KLHL38: variants seen among roughly 807,000 people sequenced by gnomAD.
KLHL38 encodes kelch like family member 38.
Under a neutral mutation model 39.6 loss-of-function variants are expected in KLHL38, and 38 were observed. That is an observed-to-expected ratio of 0.96 (90% confidence interval 0.74 to 1.26). The LOEUF (loss-of-function observed/expected upper bound fraction) is 1.26. KLHL38 is among the 50% of genes most tolerant of loss of function. The pLI, the probability that KLHL38 is intolerant of heterozygous loss-of-function variation, is 0.00. For missense variants in KLHL38, 803 were observed against 748.1 expected (o/e 1.07, Z -0.86); for synonymous variants, 322 against 302.2 (o/e 1.07, Z -0.68).
rs764591922 is a variant in KLHL38, at chr8:123,652,180, C to G, written c.747G>C (p.Gln249His). The change falls in exon 2 of 4, where the codon CAG (glutamine) becomes CAC (histidine). Residue 249 changes from glutamine to histidine, a missense_variant. Transcript: ENST00000684634. The stretch of plus-strand genomic sequence containing the variant: ...GTCTCTTGGCGGTCTCCAAGATGAT[C>G]TGGCATGCAGGCGAGGACTGCAGGA... Reference protein sequence around the residue: ...DALLQSSPACQIILETAKRQM... With the variant: ...DALLQSSPACHIILETAKRQM... The G allele has an allele frequency of 1.1e-5, 17 of 1,614,188 alleles. No homozygotes were observed. Among genetic ancestry groups the G allele is most frequent in the Non-Finnish European group, 1.4e-5 (16 of 1,180,036 alleles).
rs1405726006 is a variant in KLHL38 at position 123,651,998 on chromosome 8, C to T, written c.929G>A (p.Gly310Asp). ...RDVLLYSKQT[G>D]QWQSLAKLPT... ...GAGTTTGGCAAGGCTCTGCCATTGGCCGGTCTGTTTGCTGTACAGTAGGAC... is the reference window on the plus strand; with the variant it reads ...GAGTTTGGCAAGGCTCTGCCATTGGTCGGTCTGTTTGCTGTACAGTAGGAC... The change falls in exon 2 of 4, where the codon GGC becomes GAC. Residue 310 changes from glycine to aspartate, a missense_variant. Gly to Asp is a moderately conservative substitution (Grantham distance 94). Transcript: ENST00000684634. 6.2e-7 allele frequency: 1 copy of T among 1,614,244 alleles called. No homozygotes were observed. The highest frequency in any genetic ancestry group is 8.5e-7 in the Non-Finnish European group (1 of 1,180,038).
rs1328447683 is a variant in KLHL38 at position 123,645,999 on chromosome 8, G to A, written c.1486C>T (p.Pro496Ser). Residue 496 changes from proline to serine, a missense_variant, in exon 4 of 4, where the codon CCT becomes TCT. By Grantham distance (74) the Pro-to-Ser change is moderately conservative (BLOSUM62 -1). Coordinates refer to ENST00000684634, the MANE Select transcript of KLHL38 (RefSeq NM_001081675.3). The stretch of plus-strand genomic sequence containing the variant: ...CATTTGACAAATTTGTTGGATTGAG[G>A]GTCATAAGCAAGAATCCTCCTTGTG... ...GYTRRILAYD[P>S]QSNKFVKCAD... The A allele has an allele frequency of 6.2e-7, 1 of 1,614,054 alleles. No homozygotes were observed. Among genetic ancestry groups the A allele is most frequent in the Non-Finnish European group, 8.5e-7 (1 of 1,180,028 alleles).
chr8:123,644,975 G>T lies in KLHL38; in HGVS notation c.*764C>A, dbSNP rs1818631558. 6.6e-6 allele frequency among the ~76,000 whole-genome samples: 1 copy of T among 151,866 alleles called. No homozygotes were observed. The highest frequency in any genetic ancestry group is 6.6e-5 in the Admixed American group (1 of 15,256). ...TCCACACACTGTGTGGGTAAATGAA[G>T]AAGATTGCTAGAGAGAGAGGAAAAC... On this transcript the variant is annotated 3_prime_UTR_variant, in exon 4 of 4. Coordinates refer to ENST00000684634, the MANE Select transcript of KLHL38 (RefSeq NM_001081675.3).
chr8:123,646,297 A>G (rs1818665092), intron 3 of KLHL38, among the ~76,000 whole-genome samples: 1 of 152,180 alleles, frequency 6.6e-6, no homozygotes, highest in Non-Finnish European at 1.5e-5. Flanking sequence ...GATTCCTGTA[A>G]CTTTCTCAGC....
rs1422588072 is a variant in KLHL38 at position 123,651,664 on chromosome 8, C to G, written c.1263G>C (p.Val421=). Reference sequence around the variant, plus strand: ...CTTTCACAGCGACTGCGGGGTGGAGCACCCCCACGGGCATGCTGGCCATAC... The same window carrying G: ...CTTTCACAGCGACTGCGGGGTGGAGGACCCCCACGGGCATGCTGGCCATAC... ...WESMASMPVG[V]LHPAVAVKDQ... The change falls in exon 2 of 4, where the codon GTG becomes GTC. Residue 421 remains valine, a synonymous_variant. Transcript: ENST00000684634. The G allele has an allele frequency of 6.2e-7, 1 of 1,614,048 alleles. No individual in the cohort carries two copies. Among genetic ancestry groups the G allele is most frequent in the Non-Finnish European group, 8.5e-7 (1 of 1,179,988 alleles).
At chr8:123,651,517 T>G in intron 2 of KLHL38, 60 bp downstream of exon 2, 1 of 1,490,658 alleles carries the variant, frequency 6.7e-7, no homozygotes, top group South Asian at 1.3e-5. Context: ...CAAGCAGGTG[T>G]GGGTGTGTCC....
At chr8:123,653,370 A>C (rs1391429917) in intron 1 of KLHL38, among the ~76,000 whole-genome samples, 2 of 152,218 alleles carry the variant, frequency 1.3e-5, no homozygotes, top group Non-Finnish European at 2.9e-5. Context: ...GGTGTCAATC[A>C]TTCCCCAAGG....
rs541077779 is a variant in KLHL38 at position 123,651,607 on chromosome 8, G to A, written c.1320C>T (p.Asp440=). The change falls in exon 2 of 4, where the codon GAC becomes GAT. Residue 440 remains aspartate (D), a synonymous_variant. Transcript: ENST00000684634. ...DQRLYLFGGE[D]IMQNPVRLIQ... is the part of the protein sequence containing the mutation. ...TAAGGCGCACAGGGTTCTGCATGAT[G>A]TCCTCTCCTCCAAAGAGATAGAGTC... 1 of 1,600,548 alleles carries A rather than the reference G, an allele frequency of 6.2e-7. No individual in the cohort carries two copies. Among genetic ancestry groups the A allele is most frequent in the South Asian group, 1.1e-5 (1 of 88,426 alleles).
Position 123,652,451 on chromosome 8 carries a change from G to A in KLHL38, c.476C>T (p.Ala159Val). 4 of 1,614,142 alleles carry A rather than the reference G, an allele frequency of 2.5e-6. No homozygotes were observed. The highest frequency in any genetic ancestry group is 3.4e-6 in the Non-Finnish European group (4 of 1,180,036). Residue 159 changes from alanine (A) to valine (V), a missense_variant, in exon 2 of 4, where the codon GCA becomes GTA. By Grantham distance (64) the Ala-to-Val change is moderately conservative (BLOSUM62 0). Coordinates refer to ENST00000684634, the MANE Select transcript of KLHL38 (RefSeq NM_001081675.3). ...ETLKKKAREVALTSFPEVAAS... is the reference protein window; with the variant it reads ...ETLKKKAREVVLTSFPEVAAS... ...GGCCACCTCTGGGAAGGACGTCAGT[G>A]CCACCTCCCTGGCTTTCTTCTTGAG... is the stretch of plus-strand genomic sequence containing the variant.
Position 123,646,898 on chromosome 8 carries a change from T to A in KLHL38, c.1456+11A>T. On this transcript the variant is annotated intron_variant, in intron 3 of 3. Transcript: ENST00000684634. Reference sequence around the variant, plus strand: ...TTGTGTCACGCCCAGTGATCCTCTGTTCAGACTCACCTCCCACAATGACAA... The same window carrying A: ...TTGTGTCACGCCCAGTGATCCTCTGATCAGACTCACCTCCCACAATGACAA... 6.3e-7 allele frequency: 1 copy of A among 1,595,108 alleles called. No individual in the cohort carries two copies. The highest frequency in any genetic ancestry group is 2.2e-5 in the East Asian group (1 of 44,778).
chr8:123,647,886 TG>T lies in KLHL38; in HGVS notation c.1351-873del, dbSNP rs532933609. Among the ~76,000 whole-genome samples the T allele has an allele frequency of 5.4e-3, 822 of 152,270 alleles. 9 individuals carry two copies. The highest frequency in any genetic ancestry group is 0.017 in the African/African-American group (722 of 41,558). The stretch of plus-strand genomic sequence containing the variant: ...GGAGGTCAGGAGTTTGAGACCAGTC[TG>T]GCCAACATGGTGAAACCCCATCTCT... On this transcript the variant is annotated intron_variant, in intron 2 of 3. Transcript: ENST00000684634.
chr8:123,646,278 C>T lies in KLHL38; in HGVS notation c.1457-250G>A, dbSNP rs373876791. The stretch of plus-strand genomic sequence containing the variant: ...ATATAAGCCATTCTTAGATTGGGAG[C>T]GGCCTCCTGATTCCTGTAACTTTCT... On this transcript the variant is annotated intron_variant, in intron 3 of 3. Coordinates refer to ENST00000684634, the MANE Select transcript of KLHL38 (RefSeq NM_001081675.3). Among the ~76,000 whole-genome samples the T allele has an allele frequency of 1.5e-3, 231 of 152,362 alleles. 1 individual carries two copies. Among genetic ancestry groups the T allele is most frequent in the African/African-American group, 5.3e-3 (222 of 41,586 alleles).
Position 123,645,856 on chromosome 8 carries a change from G to T in KLHL38, c.1629C>A (p.Phe543Leu). Residue 543 changes from phenylalanine to leucine, a missense_variant, in exon 4 of 4, where the codon TTC becomes TTA. Phe to Leu is a conservative substitution (Grantham distance 22). Transcript: ENST00000684634. ...TDCNIEDSAS[F>L]DCYDPETDTW... The stretch of plus-strand genomic sequence containing the variant: ...TGTCCGTCTCGGGGTCGTAGCAATC[G>T]AAGGAGGCGGAGTCCTCAATGTTGC... The T allele has an allele frequency of 1.9e-6, 3 of 1,613,896 alleles. No homozygotes were observed. The highest frequency in any genetic ancestry group is 2.5e-6 in the Non-Finnish European group (3 of 1,179,970).
At position 123,652,422 on chromosome 8, in the gene KLHL38, A is replaced by T. The variant is rs1563593994; in HGVS notation, c.505T>A (p.Ser169Thr). Residue 169 changes from serine to threonine, a missense_variant, in exon 2 of 4, where the codon TCG becomes ACG. By Grantham distance (58) the Ser-to-Thr change is moderately conservative. Transcript: ENST00000684634. Reference protein sequence around the residue: ...ALTSFPEVAASADLKELCALE... With the variant: ...ALTSFPEVAATADLKELCALE... ...GCACAGAGCTCCTTCAGGTCGGCCGATGCGGCCACCTCTGGGAAGGACGTC... is the reference window on the plus strand; with the variant it reads ...GCACAGAGCTCCTTCAGGTCGGCCGTTGCGGCCACCTCTGGGAAGGACGTC... The T allele has an allele frequency of 8.7e-6, 14 of 1,614,066 alleles. No individual in the cohort carries two copies. The highest frequency in any genetic ancestry group is 1.1e-5 in the Non-Finnish European group (13 of 1,180,024).
chr8:123,646,731 A>G (rs1818670093), intron 3 of KLHL38, among the ~76,000 whole-genome samples, 178 bp downstream of exon 3: 1 of 152,242 alleles, frequency 6.6e-6, no homozygotes, highest in South Asian at 2.1e-4. Flanking sequence ...ACAGATAAAG[A>G]CAGGGAAAAA....
Position 123,652,432 on chromosome 8 carries a change from C to T in KLHL38, c.495G>A (p.Glu165=). The change falls in exon 2 of 4, where the codon GAG becomes GAA. Residue 165 remains glutamate (E), a synonymous_variant. Coordinates refer to ENST00000684634, the MANE Select transcript of KLHL38 (RefSeq NM_001081675.3). ...CCTTCAGGTCGGCCGATGCGGCCAC[C>T]TCTGGGAAGGACGTCAGTGCCACCT... ...AREVALTSFP[E]VAASADLKEL... is the part of the protein sequence containing the mutation. The T allele has an allele frequency of 6.2e-7, 1 of 1,614,172 alleles. No individual in the cohort carries two copies. Among genetic ancestry groups the T allele is most frequent in the Non-Finnish European group, 8.5e-7 (1 of 1,180,042 alleles).
chr8:123,646,779 G>A (rs73339443), intron 3 of KLHL38, 130 bp downstream of exon 3: 8 of 594,734 alleles, frequency 1.3e-5, no homozygotes, highest in East Asian at 2.7e-5. Flanking sequence ...GATTCTCCAC[G>A]CTCTTCTGGT....
Position 123,652,046 on chromosome 8 carries a change from T to C in KLHL38, c.881A>G (p.Asp294Gly). ...DFLILLGGRK[D>G]SQQTTRDVLL... Reference sequence around the variant, plus strand: ...GACGTCCCTGGTGGTCTGCTGGCTGTCCTTCCTTCCGCCCAAGAGGATGAG... The same window carrying C: ...GACGTCCCTGGTGGTCTGCTGGCTGCCCTTCCTTCCGCCCAAGAGGATGAG... Residue 294 changes from aspartate (D) to glycine (G), a missense_variant, in exon 2 of 4, where the codon GAC becomes GGC. Asp to Gly is a moderately conservative substitution (Grantham distance 94, BLOSUM62 -1). Transcript: ENST00000684634. 1 of 1,614,214 alleles carries C rather than the reference T, an allele frequency of 6.2e-7. No homozygotes were observed. The highest frequency in any genetic ancestry group is 8.5e-7 in the Non-Finnish European group (1 of 1,180,032).
chr8:123,649,999 T>C (rs1266830090), intron 2 of KLHL38, among the ~76,000 whole-genome samples: 7 of 151,972 alleles, frequency 4.6e-5, no homozygotes, highest in African/African-American at 1.7e-4. Context: ...CTTCAGGAGG[T>C]GCAGGAGCTT....
Sources: allele counts gnomAD v4.1 joint callset (sites outside exome capture counted in the v4.1 genomes callset), GRCh38; gene constraint gnomAD v4.1.1; transcripts MANE v1.5; gene names NCBI Gene and HGNC (gene_info 2026-07-23, HGNC 2026-07-21).